NFXL1: variants seen among roughly 807,000 people sequenced by gnomAD.
NFXL1 encodes nuclear transcription factor, X-box binding like 1.
NFXL1 carries 66 observed loss-of-function variants against 123.3 expected under a neutral mutation model. The ratio of observed to expected loss-of-function variants is 0.54; its 90% CI spans 0.44 to 0.66. The LOEUF (loss-of-function observed/expected upper bound fraction) is 0.66, where lower values mean the gene tolerates loss of function less well. Among genes scored for constraint, NFXL1 ranks in the 30% least tolerant of loss-of-function variants. NFXL1 has a pLI of 0.00. For synonymous variants in NFXL1, 346 were observed against 360.8 expected, an observed-to-expected ratio of 0.96 and a Z score of 0.46; for missense variants, 944 against 1,125.6, an observed-to-expected ratio of 0.84 and a Z score of 2.31.
At chr4:47,913,736 G>A (rs62298271) in intron 2 of NFXL1, among the ~76,000 whole-genome samples, 1 of 151,740 alleles carries the variant, frequency 6.6e-6, no homozygotes, top group Non-Finnish European at 1.5e-5. Context: ...CAAGAGTGGA[G>A]GGAAGTAACA....
intron 12 of NFXL1, among the ~76,000 whole-genome samples, chr4:47,888,094 T>C (rs1736551015): frequency 6.6e-6 from 1 of 152,074 alleles, no homozygotes; most frequent in African/African-American, 2.4e-5. Flanking sequence ...GCCAACATGG[T>C]GAAACCCCGG....
At chr4:47,886,508 C>G (rs4695298) in intron 12 of NFXL1, among the ~76,000 whole-genome samples, 5,889 of 152,028 alleles carry the variant, frequency 0.039, 386 homozygotes, top group African/African-American at 0.13. Context: ...GCTGGGACTA[C>G]AGACACACAC....
At chr4:47,885,839 A>G (rs1243662441) in intron 13 of NFXL1, 40 bp downstream of exon 13, 9 of 1,582,534 alleles carry the variant, frequency 5.7e-6, no homozygotes, top group Non-Finnish European at 7.7e-6. Context: ...TTAAATTTGT[A>G]CAACATCAGA....
chr4:47,848,376 T>C (rs1733930184), intron 22 of NFXL1, 40 bp from the exon 23 acceptor site: 6 of 1,445,700 alleles, frequency 4.2e-6, no homozygotes, highest in African/African-American at 1.4e-5. Flanking sequence ...ATTCAATGCA[T>C]ACATTGATTT....
At chr4:47,848,664 C>T (rs1035604863) in intron 22 of NFXL1, among the ~76,000 whole-genome samples, 1 of 151,868 alleles carries the variant, frequency 6.6e-6, no homozygotes, top group Admixed American at 6.6e-5. Flanking sequence ...CTGAGGCAGG[C>T]GGGTCACAAG....
At chr4:47,903,031 T>A (rs1013092018) in intron 5 of NFXL1, among the ~76,000 whole-genome samples, 162 bp downstream of exon 5, 5 of 152,174 alleles carry the variant, frequency 3.3e-5, no homozygotes, top group African/African-American at 1.2e-4. Context: ...GACAGGTGCC[T>A]ATAATCCCAG....
At chr4:47,876,542 G>A (rs542300527) in intron 17 of NFXL1, among the ~76,000 whole-genome samples, 74 of 152,222 alleles carry the variant, frequency 4.9e-4, no homozygotes, top group African/African-American at 1.7e-3. Context: ...TGAAAGTTGG[G>A]AAAGATAGTC....
intron 19 of NFXL1, among the ~76,000 whole-genome samples, chr4:47,860,769 A>G (rs1734717994): frequency 6.6e-6 from 1 of 152,124 alleles, no homozygotes; most frequent in Admixed American, 6.5e-5. Context: ...CAGTATCACT[A>G]TTGCTTACTA....
Position 47,913,988 on chromosome 4 carries a change from C to A in NFXL1, c.216G>T (p.Leu72=), listed in dbSNP as rs1412497058. The A allele has an allele frequency of 6.5e-7, 1 of 1,547,246 alleles. No individual in the cohort carries two copies. Among genetic ancestry groups the A allele is most frequent in the South Asian group, 1.2e-5 (1 of 83,946 alleles). Residue 72 remains leucine (L), a synonymous_variant, in exon 2 of 23, where the codon CTG becomes CTT. Transcript: ENST00000507489. ...TCTCACCGCTGGCTGCGGTAGTCTGCAGGGCTTGGGATCCTGCGGGGCTGT... is the reference window on the plus strand; with the variant it reads ...TCTCACCGCTGGCTGCGGTAGTCTGAAGGGCTTGGGATCCTGCGGGGCTGT... ...SRHSPAGSQA[L]QTTAASELMS...
intron 12 of NFXL1, among the ~76,000 whole-genome samples, chr4:47,889,855 G>A (rs1333297738): frequency 3.3e-5 from 5 of 152,142 alleles, no homozygotes; most frequent in African/African-American, 9.7e-5. Flanking sequence ...TAGTTTTCCA[G>A]AAGCTAGTGA....
chr4:47,852,978 T>TA (rs1317798939), intron 20 of NFXL1, among the ~76,000 whole-genome samples: 2 of 151,722 alleles, frequency 1.3e-5, no homozygotes, highest in East Asian at 1.9e-4. Flanking sequence ...TTTTTTTTTT[T>TA]ATTCCTTAGT....
chr4:47,911,512 A>T (rs1737827555), intron 2 of NFXL1, among the ~76,000 whole-genome samples: 1 of 152,198 alleles, frequency 6.6e-6, no homozygotes, highest in African/African-American at 2.4e-5. Flanking sequence ...TACCAACAGT[A>T]CTCACTATGC....
intron 2 of NFXL1, among the ~76,000 whole-genome samples, chr4:47,911,475 T>C (rs1323282151): frequency 6.6e-6 from 1 of 152,194 alleles, no homozygotes; most frequent in Non-Finnish European, 1.5e-5. Context: ...CCCAGCCCAG[T>C]CCAGTCCAGC....
chr4:47,883,877 G>T (rs1736265150), intron 15 of NFXL1, among the ~76,000 whole-genome samples: 1 of 152,152 alleles, frequency 6.6e-6, no homozygotes, highest in African/African-American at 2.4e-5. Flanking sequence ...TGTAGGTTCA[G>T]CTCCTTAGAG....
At position 47,907,275 on chromosome 4, in the gene NFXL1, A is replaced by G. The variant is rs186831090; in HGVS notation, c.407-1929T>C. On this transcript the variant is annotated intron_variant, in intron 3 of 22. Coordinates refer to ENST00000507489, the MANE Select transcript of NFXL1 (RefSeq NM_001278624.2). ...GCTGAGCTAACATGGGCAGAGGGAG[A>G]ATTGCAGTAAATGACATGCATATGC... Among the ~76,000 whole-genome samples, 6 of 152,338 alleles carry G rather than the reference A, an allele frequency of 3.9e-5. No homozygotes were observed. The East Asian group carries it at 1.2e-3, about 29-fold the overall frequency.
chr4:47,868,334 A>C (rs144204246), intron 18 of NFXL1, among the ~76,000 whole-genome samples: 1 of 150,814 alleles, frequency 6.6e-6, no homozygotes, highest in Non-Finnish European at 1.5e-5. Context: ...AAAAAAAAAT[A>C]GAAAAGAAAA....
chr4:47,894,050 A>C (rs1736932440), intron 11 of NFXL1, 130 bp downstream of exon 11: 2 of 503,682 alleles, frequency 4.0e-6, no homozygotes, highest in East Asian at 6.9e-5. Context: ...TAGAATATTT[A>C]TTAATATATT....
In NFXL1 at chr4:47,851,958, T is replaced by A; in HGVS notation, c.2422-16A>T. The stretch of plus-strand genomic sequence containing the variant: ...ACTGCAATTCCTACAAACAACCCGA[T>A]TTTCAAATTTTAAATGATTTTTCCC... On this transcript the variant is annotated splice_polypyrimidine_tract_variant and intron_variant, in intron 20 of 22. Transcript: ENST00000507489. 1 of 1,577,230 alleles carries A rather than the reference T, an allele frequency of 6.3e-7. No individual in the cohort carries two copies. Among genetic ancestry groups the A allele is most frequent in the South Asian group, 1.1e-5 (1 of 89,290 alleles).
At chr4:47,899,622 C>T (rs1235766761) in intron 5 of NFXL1, 74 bp from the exon 6 acceptor site, 4 of 899,868 alleles carry the variant, frequency 4.4e-6, no homozygotes, top group Non-Finnish European at 7.1e-6. Context: ...ATATACTTAA[C>T]AGAGTATATT....
Sources: allele counts gnomAD v4.1 joint callset (sites outside exome capture counted in the v4.1 genomes callset), GRCh38; gene constraint gnomAD v4.1.1; transcripts MANE v1.5; gene names NCBI Gene and HGNC (gene_info 2026-07-23, HGNC 2026-07-21).